Variants in SORCS2 observed in about 807,000 individuals in gnomAD.
SORCS2 encodes sortilin related VPS10 domain containing receptor 2.
A neutral mutation model predicts 141.6 loss-of-function variants in SORCS2; 100 were observed. The observed-to-expected ratio is 0.71, with a 90% CI of 0.60 to 0.83. The LOEUF (loss-of-function observed/expected upper bound fraction) is 0.83, where lower values mean the gene tolerates loss of function less well. Ranked by LOEUF, SORCS2 falls within the 40% of genes least tolerant of loss-of-function variation. The pLI is 0.00. For missense variants in SORCS2, 1,646 were observed against 1,560.2 expected (o/e 1.05, Z -0.93); for synonymous variants, 789 against 676.9 (o/e 1.17, Z -2.57).
At chr4:7,474,552 C>T (rs1365978137) in intron 2 of SORCS2, among the ~76,000 whole-genome samples, 1 of 152,180 alleles carries the variant, frequency 6.6e-6, no homozygotes, top group Non-Finnish European at 1.5e-5. Context: ...GCAAGTGTCA[C>T]AGAGTCCCCA....
At chr4:7,200,368 G>A (rs910344582) in intron 1 of SORCS2, among the ~76,000 whole-genome samples, 1 of 151,978 alleles carries the variant, frequency 6.6e-6, no homozygotes, top group Non-Finnish European at 1.5e-5. Flanking sequence ...GGGAGCCCTG[G>A]GTTCTCTCCC....
chr4:7,486,705 A>T (rs1351892388), intron 2 of SORCS2, among the ~76,000 whole-genome samples: 1 of 152,074 alleles, frequency 6.6e-6, no homozygotes, highest in Non-Finnish European at 1.5e-5. Context: ...CCAAAGGAGG[A>T]TCCCTCCTGG....
chr4:7,361,901 G>A (rs7688796), intron 1 of SORCS2, among the ~76,000 whole-genome samples: 1 of 151,072 alleles, frequency 6.6e-6, no homozygotes, highest in African/African-American at 2.4e-5. Context: ...GAGAAGCGGT[G>A]GGGGGGAGGA....
At chr4:7,307,284 A>C (rs1232759426) in intron 1 of SORCS2, among the ~76,000 whole-genome samples, 3 of 152,218 alleles carry the variant, frequency 2.0e-5, no homozygotes, top group Non-Finnish European at 4.4e-5. Flanking sequence ...GGAAGATTCC[A>C]TGCATGACTC....
In SORCS2 at chr4:7,638,550, C is replaced by G. The variant is rs141436910; in HGVS notation, c.813+58C>G. 6.0e-3 allele frequency: 9,282 copies of G among 1,534,566 alleles called. 36 individuals carry two copies. The highest frequency in any genetic ancestry group is 6.6e-3 in the Non-Finnish European group (7,574 of 1,147,538). On this transcript the variant is annotated intron_variant, in intron 4 of 26. Coordinates refer to ENST00000507866, the MANE Select transcript of SORCS2 (RefSeq NM_020777.3). ...TGGGGCTGGGGTCTGCTCGACCCACCTGGAGGTGAGTGCCCACTTGGAGCA... is the reference window on the plus strand; with the variant it reads ...TGGGGCTGGGGTCTGCTCGACCCACGTGGAGGTGAGTGCCCACTTGGAGCA...
At chr4:7,452,952 G>A (rs1283615419) in intron 2 of SORCS2, among the ~76,000 whole-genome samples, 4 of 141,874 alleles carry the variant, frequency 2.8e-5, no homozygotes, top group Non-Finnish European at 4.6e-5. Context: ...GTCAGGTGCT[G>A]TGTGTTGGGG....
chr4:7,671,780 C>T (rs1019433591), intron 8 of SORCS2, among the ~76,000 whole-genome samples: 2 of 152,030 alleles, frequency 1.3e-5, no homozygotes, highest in Non-Finnish European at 2.9e-5. Context: ...GAGATAAAGG[C>T]AGAGAGACTA....
chr4:7,729,732 C>A lies in SORCS2; in HGVS notation c.3108+20C>A. On this transcript the variant is annotated intron_variant, in intron 23 of 26. Transcript: ENST00000507866. ...GATAAGGTATGTCCTGTGGCCGCTG[C>A]ACTCCCAGGTCCTCCCTGCACATCC... 6.2e-7 allele frequency: 1 copy of A among 1,605,810 alleles called. No individual in the cohort carries two copies. The highest frequency in any genetic ancestry group is 1.1e-5 in the South Asian group (1 of 89,640).
rs543222945 is a variant in SORCS2 at position 7,326,828 on chromosome 4, G to A, written c.481-69460G>A. On this transcript the variant is annotated intron_variant, in intron 1 of 26. Transcript: ENST00000507866. ...TCCGGGGCAGGAAGCGCTGCCGGCCGGAGGTGGGACAGGGCAGCTCCAGGG... is the reference window on the plus strand; with the variant it reads ...TCCGGGGCAGGAAGCGCTGCCGGCCAGAGGTGGGACAGGGCAGCTCCAGGG... Among the ~76,000 whole-genome samples the A allele has an allele frequency of 1.7e-4, 26 of 152,378 alleles. No individual in the cohort carries two copies. The East Asian group carries it at 3.1e-3, about 18-fold the overall frequency.
chr4:7,652,447 G>A (rs1721505510), intron 4 of SORCS2, among the ~76,000 whole-genome samples: 2 of 151,936 alleles, frequency 1.3e-5, no homozygotes, highest in Non-Finnish European at 2.9e-5. Flanking sequence ...CTGACCCAAG[G>A]AGCCCCTGGC....
intron 2 of SORCS2, among the ~76,000 whole-genome samples, chr4:7,405,643 G>T (rs1340344392): frequency 6.6e-6 from 1 of 152,008 alleles, no homozygotes; most frequent in Non-Finnish European, 1.5e-5. Context: ...TTCTTAGCTA[G>T]ATCAATATTG....
intron 2 of SORCS2, among the ~76,000 whole-genome samples, chr4:7,437,053 C>T (rs186861886): frequency 5.1e-4 from 77 of 152,282 alleles, no homozygotes; most frequent in African/African-American, 1.5e-3. Context: ...CCGATTCTTA[C>T]AGACGCCAAC....
chr4:7,526,656 G>T (rs955100307), intron 2 of SORCS2, among the ~76,000 whole-genome samples: 4 of 152,304 alleles, frequency 2.6e-5, no homozygotes, highest in South Asian at 4.1e-4. Context: ...GCCCTGACCT[G>T]AACTCTGCAC....
intron 18 of SORCS2, among the ~76,000 whole-genome samples, chr4:7,723,118 C>T (rs1045521977): frequency 2.0e-5 from 3 of 152,142 alleles, no homozygotes; most frequent in Non-Finnish European, 2.9e-5. Flanking sequence ...CGGTGCCACG[C>T]GGGGATGGCA....
intron 3 of SORCS2, among the ~76,000 whole-genome samples, chr4:7,548,126 A>C (rs1160149392): frequency 2.0e-5 from 3 of 152,196 alleles, no homozygotes; most frequent in African/African-American, 7.2e-5. Context: ...CCTTGGTTAG[A>C]ATTGCTGGGC....
At chr4:7,521,927 G>T (rs571856887) in intron 2 of SORCS2, among the ~76,000 whole-genome samples, 1 of 152,240 alleles carries the variant, frequency 6.6e-6, no homozygotes, top group African/African-American at 2.4e-5. Flanking sequence ...GGTCCATGCC[G>T]TAAGCAGGGG....
chr4:7,395,661 G>GT (rs1434722776), intron 1 of SORCS2, among the ~76,000 whole-genome samples: 1 of 348 alleles, frequency 2.9e-3, no homozygotes. Flanking sequence ...GTGGTCAGGT[G>GT]GGCCCCGTGT....
intron 3 of SORCS2, among the ~76,000 whole-genome samples, chr4:7,565,034 C>A (rs564233118): frequency 6.6e-6 from 1 of 152,114 alleles, no homozygotes; most frequent in African/African-American, 2.4e-5. Context: ...CCTCATGTTA[C>A]GATTGAGGCC....
At chr4:7,604,367 GAGTGC>G (rs1199454623) in intron 3 of SORCS2, among the ~76,000 whole-genome samples, 1 of 152,240 alleles carries the variant, frequency 6.6e-6, no homozygotes, top group African/African-American at 2.4e-5. Context: ...GCCCAGGCTG[GAGTGC>G]AGTGGCGCGA....
Sources: gnomAD v4.1 joint callset for allele counts (sites outside exome capture counted in the v4.1 genomes callset) on GRCh38, gnomAD v4.1.1 for gene constraint, MANE v1.5 for transcripts, NCBI Gene and HGNC (gene_info 2026-07-23, HGNC 2026-07-21) for gene names.